Variants in LRRC27 observed in about 807,000 individuals in gnomAD.
LRRC27 encodes leucine rich repeat containing 27.
Under a neutral mutation model 55.0 loss-of-function variants are expected in LRRC27, and 57 were observed. The ratio of observed to expected loss-of-function variants is 1.04; its 90% CI spans 0.84 to 1.29. The LOEUF (loss-of-function observed/expected upper bound fraction) is 1.29. Ranked by LOEUF, LRRC27 falls within the 50% of genes most tolerant of loss-of-function variation. LRRC27 has a pLI of 0.00. For synonymous variants in LRRC27, 278 were observed against 251.9 expected (o/e 1.10, Z -0.98); for missense variants, 721 against 651.5 (o/e 1.11, Z -1.16).
chr10:132,364,797 C>G, intron 9 of LRRC27, among the ~76,000 whole-genome samples: 1 of 121,246 alleles, frequency 8.2e-6, no homozygotes, highest in East Asian at 1.9e-4. Flanking sequence ...CACACTCACA[C>G]CCACCCACAC....
Position 132,375,375 on chromosome 10 carries a change from C to T in LRRC27, c.*133C>T, listed in dbSNP as rs1468404350. 1.3e-6 allele frequency: 1 copy of T among 745,184 alleles called. No homozygotes were observed. The highest frequency in any genetic ancestry group is 2.1e-6 in the Non-Finnish European group (1 of 468,784). The allele number at this position is 745,184 out of a possible 1,614,324, so 46.2% of individuals were successfully genotyped here. A position where few individuals can be genotyped will look rare whatever the true frequency, so the allele number is the denominator to read the frequency against. On this transcript the variant is annotated 3_prime_UTR_variant, in exon 11 of 11. Transcript: ENST00000368614. ...ACCCTGAGGGCTGATTTCGCGCAGC[C>T]TGTTGTTTTCCTTAGACAGGTCCAC...
intron 9 of LRRC27, among the ~76,000 whole-genome samples, chr10:132,363,238 G>A (rs1201212452): frequency 2.2e-5 from 3 of 135,840 alleles, no homozygotes; most frequent in East Asian, 2.0e-4. Flanking sequence ...CAGCTCGGGG[G>A]TCAGGGGTTC....
Position 132,351,717 on chromosome 10 carries a change from T to G in LRRC27, c.1037T>G (p.Leu346Arg). The G allele has an allele frequency of 6.2e-7, 1 of 1,613,288 alleles. No homozygotes were observed. The highest frequency in any genetic ancestry group is 8.5e-7 in the Non-Finnish European group (1 of 1,179,848). The stretch of plus-strand genomic sequence containing the variant: ...AGCCGAGCGGCGGCGCTCCGAGAGC[T>G]CCAGGAGAAGCAGGCTCTGATGGAG... ...EESRAAALRE[L>R]QEKQALMEQQ... The change falls in exon 7 of 11, where the codon CTC becomes CGC. Residue 346 changes from leucine (L) to arginine (R), a missense_variant. Leu to Arg is a moderately radical substitution (Grantham distance 102). Transcript: ENST00000368614.
Position 132,361,652 on chromosome 10 carries a change from A to G in LRRC27, c.1289+77A>G, listed in dbSNP as rs1241652072. ...ACGGGCAGGTGCTGTTGTTTATTTCATGAGCATGCACTGAGGAGCCCTGAA... is the reference window on the plus strand; with the variant it reads ...ACGGGCAGGTGCTGTTGTTTATTTCGTGAGCATGCACTGAGGAGCCCTGAA... On this transcript the variant is annotated intron_variant, in intron 9 of 10. Transcript: ENST00000368614. 1.0e-5 allele frequency: 11 copies of G among 1,074,458 alleles called. No individual in the cohort carries two copies. The East Asian group carries it at 2.2e-4, about 21-fold the overall frequency. 66.6% of individuals were successfully genotyped at this position (1,074,458 alleles called of 1,614,324 possible). A position where few individuals can be genotyped will look rare whatever the true frequency, so the allele number is the denominator to read the frequency against.
chr10:132,380,221 G>A lies in LRRC27; in HGVS notation c.*4979G>A, dbSNP rs867091554. ...TGAGGCAGGAGAATCACTTGAACCCGGAAGGCAGAGGTTGCAGTGAGCCGA... is the reference window on the plus strand; with the variant it reads ...TGAGGCAGGAGAATCACTTGAACCCAGAAGGCAGAGGTTGCAGTGAGCCGA... On this transcript the variant is annotated 3_prime_UTR_variant, in exon 11 of 11. Coordinates refer to ENST00000368614, the MANE Select transcript of LRRC27 (RefSeq NM_030626.3). Among the ~76,000 whole-genome samples, 10 of 151,228 alleles carry A rather than the reference G, an allele frequency of 6.6e-5. No homozygotes were observed. Among genetic ancestry groups the A allele is most frequent in the Non-Finnish European group, 1.2e-4 (8 of 67,790 alleles).
intron 9 of LRRC27, among the ~76,000 whole-genome samples, chr10:132,364,261 G>C (rs2068796355): frequency 6.7e-6 from 1 of 149,376 alleles, no homozygotes; most frequent in South Asian, 2.1e-4. Flanking sequence ...GGCTGAGTGA[G>C]ACTGTGTGCC....
At chr10:132,353,096 C>A in intron 7 of LRRC27, 1 of 1,499,642 alleles carries the variant, frequency 6.7e-7, no homozygotes, top group Non-Finnish European at 8.9e-7. Flanking sequence ...CTGGCATGGA[C>A]CACAGCCACA....
At position 132,371,981 on chromosome 10, in the gene LRRC27, C is replaced by T. The variant is rs994333277; in HGVS notation, c.1417-3085C>T. Among the ~76,000 whole-genome samples, 3 of 152,374 alleles carry T rather than the reference C, an allele frequency of 2.0e-5. No individual in the cohort carries two copies. In the South Asian group the frequency reaches 6.2e-4, roughly 32 times the overall value. On this transcript the variant is annotated intron_variant, in intron 10 of 10. Transcript: ENST00000368614. ...ACATATGGAGGCCAGCACGATTTTG[C>T]ACGAAGGAAGCCCCCTAGTGGTGCA... is the stretch of plus-strand genomic sequence containing the variant.
At chr10:132,362,879 C>T (rs1419239402) in intron 9 of LRRC27, among the ~76,000 whole-genome samples, 6 of 132,892 alleles carry the variant, frequency 4.5e-5, no homozygotes, top group South Asian at 2.5e-4. Flanking sequence ...CACAGCTGCT[C>T]GGGGGTCCGG....
At chr10:132,371,707 G>A (rs550532701) in intron 10 of LRRC27, among the ~76,000 whole-genome samples, 3 of 152,224 alleles carry the variant, frequency 2.0e-5, no homozygotes, top group Non-Finnish European at 2.9e-5. Flanking sequence ...GTTCCGGCCG[G>A]CAGGATGTGA....
chr10:132,364,755 CTTACACTCATGCTTACATCTACCTCCA>C (rs2068949022), intron 9 of LRRC27, among the ~76,000 whole-genome samples: 3 of 143,154 alleles, frequency 2.1e-5, no homozygotes, highest in Non-Finnish European at 4.6e-5. Context: ...CACGCCCACA[CTTACACTCATGCTTACATCTACCTCCA>C]CGCCCACACT....
intron 7 of LRRC27, chr10:132,352,906 A>C: frequency 6.2e-7 from 1 of 1,613,822 alleles, no homozygotes; most frequent in Non-Finnish European, 8.5e-7. Context: ...TTTTCCCTAG[A>C]GTATTCCAGG....
upstream of LRRC27, chr10:132,330,437 G>A: frequency 1.4e-6 from 1 of 717,228 alleles, no homozygotes. Context: ...TGCCCGGGTG[G>A]CTGGCCTCCC....
At chr10:132,331,981 G>A, upstream of LRRC27, 1 of 461,360 alleles carries the variant, frequency 2.2e-6, no homozygotes, top group Non-Finnish European at 3.7e-6. Flanking sequence ...CCCCTCCCGG[G>A]CAGGCGCACC....
chr10:132,349,151 A>G, intron 6 of LRRC27: 2 of 887,978 alleles, frequency 2.3e-6, no homozygotes, highest in East Asian at 2.7e-5. Flanking sequence ...CAAAATAACA[A>G]TTGGTGAATC....
chr10:132,367,092 C>T lies in LRRC27; in HGVS notation c.1416+1542C>T, dbSNP rs1017323070. On this transcript the variant is annotated intron_variant, in intron 10 of 10. Coordinates refer to ENST00000368614, the MANE Select transcript of LRRC27 (RefSeq NM_030626.3). Reference sequence around the variant, plus strand: ...ATCTGTGTCTTAACCCATCACTTCACATTAGGGACACAAAAGTCGATTTGG... The same window carrying T: ...ATCTGTGTCTTAACCCATCACTTCATATTAGGGACACAAAAGTCGATTTGG... 4 of 773,216 alleles carry T rather than the reference C, an allele frequency of 5.2e-6. No homozygotes were observed. The African/African-American group carries it at 7.5e-5, about 15-fold the overall frequency. The allele number at this position is 773,216 out of a possible 1,614,324, so 47.9% of individuals were successfully genotyped here. A position where few individuals can be genotyped will look rare whatever the true frequency, so the allele number is the denominator to read the frequency against.
chr10:132,361,336 G>A (rs2068606051), intron 8 of LRRC27, 121 bp from the exon 9 acceptor site: 2 of 796,828 alleles, frequency 2.5e-6, no homozygotes, highest in African/African-American at 1.7e-5. Context: ...CGTCTACCCG[G>A]GGCGGCCTCG....
intron 10 of LRRC27, among the ~76,000 whole-genome samples, chr10:132,371,424 C>T (rs747565165): frequency 3.9e-5 from 6 of 152,332 alleles, no homozygotes; most frequent in Admixed American, 6.5e-5. Flanking sequence ...AGCCAACAGA[C>T]GTGGCCCTTC....
Position 132,348,832 on chromosome 10 carries a change from T to C in LRRC27, c.926+476T>C. On this transcript the variant is annotated intron_variant, in intron 6 of 10. Transcript: ENST00000368614. This position sits in a 1 kb window ranked among gnomAD's most constrained non-coding sequence, Gnocchi z 4.2. The stretch of plus-strand genomic sequence containing the variant: ...GAGGAGTTGGGGGAAAGGTCAGTTA[T>C]GCAGAAAATAAATGGCAGCTGCCTG... The C allele has an allele frequency of 4.6e-6, 3 of 645,440 alleles. No individual in the cohort carries two copies. Among genetic ancestry groups the C allele is most frequent in the Non-Finnish European group, 5.5e-6 (2 of 363,418 alleles). The allele number at this position is 645,440 out of a possible 1,614,324, so 40.0% of individuals were successfully genotyped here.
Sources: allele counts gnomAD v4.1 joint callset (sites outside exome capture counted in the v4.1 genomes callset), GRCh38; gene constraint gnomAD v4.1.1; non-coding constraint Gnocchi (gnomAD v3.1); transcripts MANE v1.5; gene names NCBI Gene and HGNC (gene_info 2026-07-23, HGNC 2026-07-21).